The following SLC35F3 variants were observed in gnomAD, a reference collection of about 807,000 sequenced individuals.
SLC35F3 encodes the protein putative thiamine transporter SLC35F3.
A neutral mutation model predicts 49.9 loss-of-function variants in SLC35F3; 25 were observed. That is an observed-to-expected ratio of 0.50 (90% CI 0.37 to 0.70). The LOEUF is 0.70. SLC35F3 is among the 30% of genes least tolerant of loss of function. The pLI, the probability that SLC35F3 is intolerant of heterozygous loss-of-function variation, is 0.00. For synonymous variants in SLC35F3, 275 were observed against 265.4 expected, an observed-to-expected ratio of 1.04 and a Z score of -0.35; for missense variants, 525 against 639.8, an observed-to-expected ratio of 0.82 and a Z score of 1.94.
At chr1:233,954,637 A>C (rs1662665263) in intron 2 of SLC35F3, among the ~76,000 whole-genome samples, 1 of 152,156 alleles carries the variant, frequency 6.6e-6, no homozygotes, top group African/African-American at 2.4e-5. Context: ...TTCTAAATAA[A>C]AGGGCAAAGC....
At chr1:234,189,900 T>G (rs1174817480) in intron 2 of SLC35F3, among the ~76,000 whole-genome samples, 1 of 152,218 alleles carries the variant, frequency 6.6e-6, no homozygotes, top group Non-Finnish European at 1.5e-5. Context: ...TAGAAGGGAT[T>G]GGGGCCCTAT....
intron 2 of SLC35F3, among the ~76,000 whole-genome samples, chr1:234,052,280 GT>G (rs1286040177): frequency 2.0e-5 from 3 of 152,052 alleles, no homozygotes; most frequent in Non-Finnish European, 4.4e-5. Flanking sequence ...GACTTTTTTT[GT>G]TGGTATGCTA....
chr1:234,244,567 G>T (rs889967745), intron 3 of SLC35F3, among the ~76,000 whole-genome samples: 1 of 151,756 alleles, frequency 6.6e-6, no homozygotes, highest in Admixed American at 6.6e-5. Context: ...TATTCAGAAA[G>T]AGCCCTTGAA....
intron 2 of SLC35F3, among the ~76,000 whole-genome samples, chr1:234,081,991 G>A (rs1018718804): frequency 7.5e-6 from 1 of 132,736 alleles, no homozygotes; most frequent in Admixed American, 9.1e-5. Context: ...TCCTGAACTC[G>A]TGATCCACCC....
intron 2 of SLC35F3, among the ~76,000 whole-genome samples, chr1:234,195,566 C>G (rs2102931643): frequency 6.6e-6 from 1 of 152,276 alleles, no homozygotes; most frequent in Non-Finnish European, 1.5e-5. Context: ...CTTCTCCCCA[C>G]TCTTTAAAAG....
intron 2 of SLC35F3, among the ~76,000 whole-genome samples, chr1:234,188,081 C>CA (rs529875209): frequency 5.3e-5 from 8 of 151,994 alleles, no homozygotes; most frequent in Non-Finnish European, 1.0e-4. Context: ...ACTAAAAATA[C>CA]AAAAAATTAG....
intron 2 of SLC35F3, among the ~76,000 whole-genome samples, chr1:234,188,669 A>G (rs1023639009): frequency 6.6e-6 from 1 of 152,146 alleles, no homozygotes; most frequent in African/African-American, 2.4e-5. Flanking sequence ...GGCTCTGCCC[A>G]CCACCTGACC....
chr1:234,135,980 G>C (rs148137061), intron 2 of SLC35F3, among the ~76,000 whole-genome samples: 3 of 152,170 alleles, frequency 2.0e-5, no homozygotes, highest in African/African-American at 7.2e-5. Flanking sequence ...CCGGATCAAG[G>C]GCACTGGGGA....
chr1:233,948,560 T>C (rs569751515), intron 2 of SLC35F3, among the ~76,000 whole-genome samples: 114 of 151,486 alleles, frequency 7.5e-4, no homozygotes, highest in Non-Finnish European at 1.4e-3. Flanking sequence ...TTTTTTTTTC[T>C]TTTTTTAATT....
chr1:234,232,519 C>CAAAAAAAA (rs536692686), intron 3 of SLC35F3, among the ~76,000 whole-genome samples: 80 of 72,138 alleles, frequency 1.1e-3, no homozygotes, highest in African/African-American at 1.3e-3. Flanking sequence ...CAGGCCTAGT[C>CAAAAAAAA]AAAAAAAAAA....
At chr1:234,130,741 C>T (rs1572063133) in intron 2 of SLC35F3, among the ~76,000 whole-genome samples, 1 of 152,020 alleles carries the variant, frequency 6.6e-6, no homozygotes, top group Non-Finnish European at 1.5e-5. Flanking sequence ...ATATTGGCAC[C>T]ATCACTTTGT....
intron 2 of SLC35F3, among the ~76,000 whole-genome samples, chr1:234,173,755 T>G (rs1666434718): frequency 6.6e-6 from 1 of 152,176 alleles, no homozygotes; most frequent in African/African-American, 2.4e-5. Context: ...AGCCCCTGCC[T>G]CCAGGAGCTA....
Position 234,066,830 on chromosome 1 carries a change from CCACACACACACACACACA to C in SLC35F3, c.283+161101_283+161118del, listed in dbSNP as rs61401819. On this transcript the variant is annotated intron_variant, in intron 2 of 7. Coordinates refer to ENST00000366618, the MANE Select transcript of SLC35F3 (RefSeq NM_173508.4). ...CTCTCTGTCTCTGTCCCTCTCTCTC[CCACACACACACACACACA>C]CACACACACACACACACACACACAC... Among the ~76,000 whole-genome samples the C allele has an allele frequency of 2.3e-4, 31 of 135,214 alleles. 1 individual carries two copies. The highest frequency in any genetic ancestry group is 4.0e-4 in the African/African-American group (14 of 35,104). The allele number at this position is 135,214 out of a possible 152,430, so 88.7% of individuals were successfully genotyped here.
intron 2 of SLC35F3, among the ~76,000 whole-genome samples, chr1:233,986,214 A>G (rs1311688293): frequency 6.6e-6 from 1 of 152,106 alleles, no homozygotes; most frequent in Admixed American, 6.6e-5. Flanking sequence ...CATTTCTTTT[A>G]ATTTTTATTT....
At chr1:233,938,939 G>A (rs962975007) in intron 2 of SLC35F3, among the ~76,000 whole-genome samples, 22 of 152,088 alleles carry the variant, frequency 1.4e-4, no homozygotes, top group Admixed American at 9.8e-4. Context: ...GCATCCGTTC[G>A]GCTTAACTAT....
rs570388925 is a variant in SLC35F3, at chr1:234,226,422, T to C, written c.284-4995T>C. The stretch of plus-strand genomic sequence containing the variant: ...AAAGGACTCAACAAGGGTCCACTTA[T>C]TCTCGGGGAAGCTCATAAAAGAAAC... On this transcript the variant is annotated intron_variant, in intron 2 of 7. Coordinates refer to ENST00000366618, the MANE Select transcript of SLC35F3 (RefSeq NM_173508.4). Among the ~76,000 whole-genome samples, 31 of 152,050 alleles carry C rather than the reference T, an allele frequency of 2.0e-4. 1 individual carries two copies. The highest frequency in any genetic ancestry group is 2.9e-4 in the Non-Finnish European group (20 of 67,998).
chr1:234,115,800 G>T (rs1347308752), intron 2 of SLC35F3, among the ~76,000 whole-genome samples: 2 of 151,426 alleles, frequency 1.3e-5, no homozygotes, highest in African/African-American at 2.4e-5. Context: ...CATAACCATT[G>T]TAAACCAAAA....
chr1:234,170,456 G>A (rs1178134393), intron 2 of SLC35F3, among the ~76,000 whole-genome samples: 9 of 152,092 alleles, frequency 5.9e-5, no homozygotes, highest in Non-Finnish European at 5.9e-5. Flanking sequence ...GTTTTGACCA[G>A]ATGTCCTTAG....
At chr1:234,266,099 T>C (rs1327033059) in intron 3 of SLC35F3, among the ~76,000 whole-genome samples, 1 of 152,236 alleles carries the variant, frequency 6.6e-6, no homozygotes, top group Non-Finnish European at 1.5e-5. Context: ...TCTATATGTG[T>C]TTGTTTGCTC....
Sources: gnomAD v4.1 joint callset for allele counts (sites outside exome capture counted in the v4.1 genomes callset) on GRCh38, gnomAD v4.1.1 for gene constraint, MANE v1.5 for transcripts, NCBI Gene and HGNC (gene_info 2026-07-23, HGNC 2026-07-21) for gene names.